Variants in SLC1A2 observed in about 807,000 individuals in gnomAD.
SLC1A2 encodes excitatory amino acid transporter 2.
In SLC1A2, 15 loss-of-function variants were observed where a neutral mutation model predicts 48.8. That is an observed-to-expected ratio of 0.31 (90% CI 0.21 to 0.47). SLC1A2 has a LOEUF of 0.47. Among genes scored for constraint, SLC1A2 ranks in the 20% least tolerant of loss-of-function variants. SLC1A2 has a pLI of 0.99. For synonymous variants in SLC1A2, 279 were observed against 272.6 expected (o/e 1.02, Z -0.23); for missense variants, 502 against 730.5 (o/e 0.69, Z 3.61).
intron 1 of SLC1A2, among the ~76,000 whole-genome samples, chr11:35,387,061 C>G (rs552929578): frequency 2.6e-5 from 4 of 152,170 alleles, no homozygotes; most frequent in Non-Finnish European, 5.9e-5. Context: ...TCCACCACAC[C>G]CAGTAATCTG....
At chr11:35,358,221 TG>T (rs1853553234) in intron 1 of SLC1A2, among the ~76,000 whole-genome samples, 1 of 152,184 alleles carries the variant, frequency 6.6e-6, no homozygotes, top group Non-Finnish European at 1.5e-5. Context: ...TATTGATGTA[TG>T]TTATGACTAG....
chr11:35,398,542 C>T (rs1565303080), intron 1 of SLC1A2, among the ~76,000 whole-genome samples: 1 of 152,136 alleles, frequency 6.6e-6, no homozygotes. Context: ...GTGAATATCA[C>T]AAAACTACGT....
chr11:35,348,620 T>C (rs1241698376), intron 1 of SLC1A2, among the ~76,000 whole-genome samples: 1 of 151,950 alleles, frequency 6.6e-6, no homozygotes, highest in Non-Finnish European at 1.5e-5. Flanking sequence ...AGGCCAGGCA[T>C]GGTGGCTCAT....
At chr11:35,376,995 A>G (rs1259725208) in intron 1 of SLC1A2, among the ~76,000 whole-genome samples, 2 of 152,232 alleles carry the variant, frequency 1.3e-5, no homozygotes, top group African/African-American at 4.8e-5. Context: ...ACCACTGAGG[A>G]ATGAGCAGGC....
At chr11:35,301,458 C>A in intron 6 of SLC1A2, 61 bp downstream of exon 6, 1 of 1,564,802 alleles carries the variant, frequency 6.4e-7, no homozygotes, top group Non-Finnish European at 8.8e-7. Context: ...GCTCCAGTAT[C>A]CTCTGGGGAC....
In SLC1A2 at chr11:35,301,576, A is replaced by G. The variant is rs752767845; in HGVS notation, c.800T>C (p.Val267Ala). The change falls in exon 6 of 11, where the codon GTG (valine) becomes GCG (alanine). Residue 267 changes from valine to alanine, a missense_variant. Coordinates refer to ENST00000278379, the MANE Select transcript of SLC1A2 (RefSeq NM_004171.4). The part of the protein sequence containing the change: ...GKMGDQAKLM[V>A]DFFNILNEIV... ...CTCATTCAAAATGTTGAAGAAATCC[A>G]CCATCAGCTTGGCCTGATCTCCCAT... The G allele has an allele frequency of 1.2e-6, 2 of 1,613,652 alleles. No homozygotes were observed.
chr11:35,276,360 A>G lies in SLC1A2; in HGVS notation c.1421+4507T>C, dbSNP rs562550440. 3.3e-5 allele frequency among the ~76,000 whole-genome samples: 5 copies of G among 151,972 alleles called. No homozygotes were observed. In the South Asian group the frequency reaches 1.0e-3, roughly 32 times the overall value. ...CCCCAGAACTGGACAACAGCTCTTCATTTGCTCCTTTCTTCCCAGCTCCAG... is the reference window on the plus strand; with the variant it reads ...CCCCAGAACTGGACAACAGCTCTTCGTTTGCTCCTTTCTTCCCAGCTCCAG... On this transcript the variant is annotated intron_variant, in intron 9 of 10. Transcript: ENST00000278379.
intron 1 of SLC1A2, among the ~76,000 whole-genome samples, chr11:35,358,532 A>G (rs1853562651): frequency 6.6e-6 from 1 of 152,230 alleles, no homozygotes. Flanking sequence ...ACTGCCAAGC[A>G]AATACAGAAA....
chr11:35,415,950 T>C (rs117247971), intron 1 of SLC1A2, among the ~76,000 whole-genome samples: 2,317 of 152,328 alleles, frequency 0.015, 34 homozygotes, highest in Non-Finnish European at 0.024. Flanking sequence ...TTATAATCTC[T>C]TTCCAATTTG....
intron 4 of SLC1A2, among the ~76,000 whole-genome samples, chr11:35,308,623 TC>T (rs1851587939): frequency 6.6e-6 from 1 of 152,168 alleles, no homozygotes; most frequent in African/African-American, 2.4e-5. Flanking sequence ...CCAAACTCAT[TC>T]TTTTATAGCA....
chr11:35,374,282 CA>C, intron 1 of SLC1A2: 1 of 1,022,780 alleles, frequency 9.8e-7, no homozygotes, highest in Non-Finnish European at 1.5e-6. Flanking sequence ...TCTTAACATT[CA>C]GGGATGTGGC....
At chr11:35,336,311 C>T (rs1436226973) in intron 1 of SLC1A2, among the ~76,000 whole-genome samples, 1 of 151,956 alleles carries the variant, frequency 6.6e-6, no homozygotes, top group Non-Finnish European at 1.5e-5. Context: ...GCACATGTAC[C>T]CCACAACTAA....
chr11:35,359,930 A>G (rs1841241590), intron 1 of SLC1A2: 1 of 192,324 alleles, frequency 5.2e-6, no homozygotes, highest in Admixed American at 6.5e-5. Context: ...AGTGTCTTAT[A>G]ATAACCTATT....
intron 6 of SLC1A2, among the ~76,000 whole-genome samples, chr11:35,296,603 C>T (rs1851179927): frequency 1.3e-5 from 2 of 152,156 alleles, no homozygotes; most frequent in South Asian, 2.1e-4. Flanking sequence ...TCCTGCCCAC[C>T]TCTCCAACTT....
intron 1 of SLC1A2, among the ~76,000 whole-genome samples, chr11:35,391,774 C>T (rs769947530): frequency 6.6e-6 from 1 of 152,160 alleles, no homozygotes; most frequent in African/African-American, 2.4e-5. Flanking sequence ...CTTAAGTCTC[C>T]GCTCTCTTCA....
At chr11:35,298,463 T>C (rs757755344) in intron 6 of SLC1A2, 2 of 151,988 alleles carry the variant, frequency 1.3e-5, no homozygotes, top group Non-Finnish European at 2.9e-5. Context: ...AGTTAAAGAG[T>C]AGTTGACTGT....
intron 1 of SLC1A2, among the ~76,000 whole-genome samples, chr11:35,328,329 GTAA>G (rs1162431922): frequency 1.3e-5 from 2 of 152,164 alleles, no homozygotes; most frequent in Non-Finnish European, 2.9e-5. Flanking sequence ...CTGGTAACTG[GTAA>G]TAATAAGAAT....
At chr11:35,386,958 T>C (rs1265111394) in intron 1 of SLC1A2, among the ~76,000 whole-genome samples, 1 of 152,196 alleles carries the variant, frequency 6.6e-6, no homozygotes, top group Non-Finnish European at 1.5e-5. Context: ...GTTGTAGAGA[T>C]GGAGTCTTGC....
intron 9 of SLC1A2, among the ~76,000 whole-genome samples, chr11:35,279,777 T>G (rs113142479): frequency 0.053 from 8,114 of 152,274 alleles, 708 homozygotes; most frequent in African/African-American, 0.18. Flanking sequence ...ATAATAACAT[T>G]TAACTTTCAA....
Sources: gnomAD v4.1 joint callset for allele counts (sites outside exome capture counted in the v4.1 genomes callset) on GRCh38, gnomAD v4.1.1 for gene constraint, MANE v1.5 for transcripts, NCBI Gene and HGNC (gene_info 2026-07-23, HGNC 2026-07-21) for gene names.